The following SMARCA4 variants were observed in gnomAD, a reference collection of about 807,000 sequenced individuals.
The protein encoded by SMARCA4 is SWI/SNF related BAF chromatin remodeling complex subunit ATPase 4, also known as SWI/SNF-related matrix-associated actin-dependent regulator of chromatin subfamily A member 4.
In SMARCA4, 31 loss-of-function variants were observed where a neutral mutation model predicts 193.9. The ratio of observed to expected loss-of-function variants is 0.16; its 90% CI spans 0.12 to 0.22. SMARCA4 has a LOEUF of 0.22. Ranked by LOEUF, SMARCA4 falls within the 10% of genes least tolerant of loss-of-function variation. The pLI, the probability that SMARCA4 is intolerant of heterozygous loss-of-function variation, is 1.00. For missense variants in SMARCA4, 1,148 were observed against 2,296.0 expected (o/e 0.50, Z 10.22); for synonymous variants, 942 against 933.1 (o/e 1.01, Z -0.17).
intron 16 of SMARCA4, among the ~76,000 whole-genome samples, chr19:11,017,976 C>CCT (rs978707751): frequency 2.0e-4 from 31 of 152,230 alleles, no homozygotes; most frequent in African/African-American, 7.2e-4. Context: ...GGCTGCTGAG[C>CCT]CTCTGCTCCC....
chr19:10,974,947 C>T (rs1327502493), intron 1 of SMARCA4, among the ~76,000 whole-genome samples: 4 of 149,784 alleles, frequency 2.7e-5, no homozygotes. Flanking sequence ...ATCCGCTCGC[C>T]TCAGCTTCCG....
chr19:11,017,207 C>G (rs1339278186), intron 16 of SMARCA4, among the ~76,000 whole-genome samples: 1 of 152,248 alleles, frequency 6.6e-6, no homozygotes, highest in South Asian at 2.1e-4. Flanking sequence ...CGCCCATTCT[C>G]AGCTTCCGTG....
intron 1 of SMARCA4, among the ~76,000 whole-genome samples, chr19:10,971,260 C>T (rs1409412522): frequency 6.6e-6 from 1 of 152,122 alleles, no homozygotes; most frequent in Non-Finnish European, 1.5e-5. Context: ...CACTGGCTGA[C>T]TTGCTGTGCC....
In SMARCA4 at chr19:10,986,475, G is replaced by A. The variant is rs1306328657; in HGVS notation, c.642G>A (p.Gln214=). The part of the protein sequence containing the change: ...VQGKRPMPGM[Q]QQMPTLPPPS... ...GCAAGCGGCCGATGCCCGGGATGCA[G>A]CAGCAGATGCCAACGCTACCTCCAC... Residue 214 remains glutamine (Q), a synonymous_variant, in exon 4 of 35, where the codon CAG becomes CAA. Coordinates refer to ENST00000344626, the MANE Select transcript of SMARCA4 (RefSeq NM_003072.5). The surrounding 1 kb of genome is among the most constrained non-coding windows in gnomAD (Gnocchi z 6.7). The A allele has an allele frequency of 6.4e-7, 1 of 1,553,688 alleles. No individual in the cohort carries two copies. The highest frequency in any genetic ancestry group is 8.7e-7 in the Non-Finnish European group (1 of 1,149,686).
At chr19:11,003,291 TCTG>T in intron 12 of SMARCA4, 46 bp from the exon 13 acceptor site, 1 of 1,607,088 alleles carries the variant, frequency 6.2e-7, no homozygotes, top group Non-Finnish European at 8.5e-7. Flanking sequence ...GAAAGTGAAT[TCTG>T]CTGGCTCTGA....
At chr19:11,037,958 C>G (rs2075362271) in intron 29 of SMARCA4, among the ~76,000 whole-genome samples, 1 of 152,214 alleles carries the variant, frequency 6.6e-6, no homozygotes, top group Admixed American at 6.5e-5. Flanking sequence ...ATACAAAACA[C>G]TGTCTCCCCA....
In SMARCA4 at chr19:11,033,586, G is replaced by T; in HGVS notation, c.3774+69G>T. The T allele has an allele frequency of 7.8e-7, 1 of 1,284,360 alleles. No individual in the cohort carries two copies. Among genetic ancestry groups the T allele is most frequent in the South Asian group, 1.2e-5 (1 of 84,258 alleles). The allele number at this position is 1,284,360 out of a possible 1,614,324, so 79.6% of individuals were successfully genotyped here. A position where few individuals can be genotyped will look rare whatever the true frequency, so the allele number is the denominator to read the frequency against. ...GGACGCGTGAGCGGCTTTCATTTTT[G>T]TTTTTTTACCTTTTTTGCACTCTTA... On this transcript the variant is annotated intron_variant, in intron 26 of 34. Coordinates refer to ENST00000344626, the MANE Select transcript of SMARCA4 (RefSeq NM_003072.5). This position sits in a 1 kb window ranked among gnomAD's most constrained non-coding sequence, Gnocchi z 9.8.
chr19:11,021,419 G>T, intron 18 of SMARCA4: 1 of 481,874 alleles, frequency 2.1e-6, no homozygotes, highest in South Asian at 1.9e-5. Flanking sequence ...GCATTTTTCT[G>T]TGCTGTAGAT....
At position 11,039,309 on chromosome 19, in the gene SMARCA4, G is replaced by A. The variant is rs142929987; in HGVS notation, c.4171-1998G>A. The A allele has an allele frequency of 8.8e-4, 425 of 484,562 alleles. 1 individual carries two copies. The highest frequency in any genetic ancestry group is 7.9e-3 in the African/African-American group (389 of 48,940). 30.0% of individuals were successfully genotyped at this position (484,562 alleles called of 1,614,324 possible). A position where few individuals can be genotyped will look rare whatever the true frequency, so the allele number is the denominator to read the frequency against. On this transcript the variant is annotated intron_variant, in intron 29 of 34. Transcript: ENST00000344626. The stretch of plus-strand genomic sequence containing the variant: ...TTGGAGTTTGTAGTGAGCCAAGATC[G>A]CACCACTGCACTCCAGCCTGGGCGA...
chr19:10,974,166 A>T (rs1020475731), intron 1 of SMARCA4, among the ~76,000 whole-genome samples: 2 of 152,134 alleles, frequency 1.3e-5, no homozygotes, highest in Non-Finnish European at 1.5e-5. Context: ...AAGGGATCCG[A>T]TTGCTGGTTA....
chr19:10,961,208 C>A (rs1351249230), intron 1 of SMARCA4, 34 bp downstream of exon 1: 3 of 148,476 alleles, frequency 2.0e-5, no homozygotes, highest in Middle Eastern at 3.2e-3. Flanking sequence ...CAGCGCGGCG[C>A]GGGGCCGGGG....
intron 32 of SMARCA4, chr19:11,059,120 A>G: frequency 2.0e-6 from 1 of 501,408 alleles, no homozygotes; most frequent in Non-Finnish European, 3.6e-6. Context: ...AAAAAAAAAA[A>G]AGAAAAAATT....
rs539966855 is a variant in SMARCA4 at position 11,052,577 on chromosome 19, C to T, written c.4425-5678C>T. The stretch of plus-strand genomic sequence containing the variant: ...AGCCCAGAGGGCGCCCCTGCCTGCT[C>T]ACTTCCCAATGTCGGGATCCTGTGA... On this transcript the variant is annotated intron_variant, in intron 30 of 34. Transcript: ENST00000344626. Among the ~76,000 whole-genome samples the T allele has an allele frequency of 4.6e-5, 7 of 152,382 alleles. No homozygotes were observed. In the South Asian group the frequency reaches 1.4e-3, roughly 32 times the overall value.
chr19:11,021,479 AT>A, intron 18 of SMARCA4: 1 of 626,130 alleles, frequency 1.6e-6, no homozygotes, highest in Non-Finnish European at 3.0e-6. Context: ...TGCAATTTGC[AT>A]TGTTCACCTG....
chr19:11,041,651 G>C lies in SMARCA4; in HGVS notation c.4424+91G>C. On this transcript the variant is annotated intron_variant, in intron 30 of 34. Coordinates refer to ENST00000344626, the MANE Select transcript of SMARCA4 (RefSeq NM_003072.5). This position sits in a 1 kb window ranked among gnomAD's most constrained non-coding sequence, Gnocchi z 5.6. ...ACTCTGACTCTGCACACTCAGGCTT[G>C]GGCCGCTCACTCTTTCACTCATCCA... 2.5e-6 allele frequency: 3 copies of C among 1,183,316 alleles called. No homozygotes were observed. Among genetic ancestry groups the C allele is most frequent in the Non-Finnish European group, 3.6e-6 (3 of 824,526 alleles). 73.3% of individuals were successfully genotyped at this position (1,183,316 alleles called of 1,614,324 possible).
intron 1 of SMARCA4, among the ~76,000 whole-genome samples, chr19:10,969,161 C>T (rs997518957): frequency 3.9e-5 from 6 of 152,248 alleles, no homozygotes; most frequent in African/African-American, 1.4e-4. Flanking sequence ...CCACCCTCTA[C>T]CTCAAGAACC....
chr19:11,010,765 G>A (rs1175475775), intron 15 of SMARCA4, among the ~76,000 whole-genome samples: 3 of 152,156 alleles, frequency 2.0e-5, no homozygotes, highest in Non-Finnish European at 4.4e-5. Context: ...CTGGGTGCCC[G>A]ATGTGCCAGG....
chr19:10,988,362 C>T (rs1451210701), intron 6 of SMARCA4, among the ~76,000 whole-genome samples: 2 of 152,188 alleles, frequency 1.3e-5, no homozygotes, highest in South Asian at 2.1e-4. Context: ...ACCTCAGATG[C>T]TCCCAAAGTG....
rs1187484223 is a variant in SMARCA4 at position 11,060,079 on chromosome 19, G to A, written c.4803G>A (p.Arg1601=). 1.3e-6 allele frequency: 2 copies of A among 1,554,306 alleles called. No individual in the cohort carries two copies. Among genetic ancestry groups the A allele is most frequent in the Admixed American group, 2.0e-5 (1 of 51,194 alleles). Residue 1601 remains arginine (R), a synonymous_variant, in exon 34 of 35, where the codon CGG becomes CGA. Coordinates refer to ENST00000344626, the MANE Select transcript of SMARCA4 (RefSeq NM_003072.5). The stretch of plus-strand genomic sequence containing the variant: ...TCAAAGTGAAGATCAAGCTTGGCCG[G>A]AAGGAGAAGGCACAGGACCGGCTGA... The part of the protein sequence containing the change: ...RSVKVKIKLG[R]KEKAQDRLKG...
Sources: allele counts gnomAD v4.1 joint callset (sites outside exome capture counted in the v4.1 genomes callset), GRCh38; gene constraint gnomAD v4.1.1; non-coding constraint Gnocchi (gnomAD v3.1); transcripts MANE v1.5; gene names NCBI Gene and HGNC (gene_info 2026-07-23, HGNC 2026-07-21).